AGBL1: variants seen among roughly 807,000 people sequenced by gnomAD.
The protein encoded by AGBL1 is AGBL carboxypeptidase 1, also known as cytosolic carboxypeptidase 4.
AGBL1 carries 130 observed loss-of-function variants against 118.9 expected under a neutral mutation model. That is an observed-to-expected ratio of 1.09 (90% CI 0.95 to 1.26). AGBL1 has a LOEUF of 1.26. Ranked by LOEUF, AGBL1 falls within the 50% of genes most tolerant of loss-of-function variation. The pLI is 0.00. For missense variants in AGBL1, 1,584 were observed against 1,298.1 expected, an observed-to-expected ratio of 1.22 and a Z score of -3.38; for synonymous variants, 555 against 478.9, an observed-to-expected ratio of 1.16 and a Z score of -2.08.
chr15:86,713,859 G>C (rs1446669975), intron 22 of AGBL1, among the ~76,000 whole-genome samples: 2 of 152,098 alleles, frequency 1.3e-5, no homozygotes, highest in Non-Finnish European at 2.9e-5. Flanking sequence ...CTGTAACGTA[G>C]ACTTGGATTA....
intron 3 of AGBL1, among the ~76,000 whole-genome samples, chr15:86,153,921 A>G (rs973856270): frequency 6.6e-6 from 1 of 152,154 alleles, no homozygotes; most frequent in African/African-American, 2.4e-5. Context: ...TCCCTACATA[A>G]TCACAATACC....
chr15:86,546,166 C>G (rs765734297), intron 20 of AGBL1, 33 bp downstream of exon 20: 1 of 1,589,620 alleles, frequency 6.3e-7, no homozygotes, highest in Non-Finnish European at 8.6e-7. Context: ...ATCAGACATG[C>G]TGTGTTCATA....
chr15:86,569,442 C>T (rs1189591988), intron 21 of AGBL1, among the ~76,000 whole-genome samples: 2 of 151,410 alleles, frequency 1.3e-5, no homozygotes, highest in African/African-American at 2.4e-5. Context: ...AATCCGGATG[C>T]TAATCTATCA....
In AGBL1 at chr15:86,881,763, G is replaced by T. The variant is rs202193219; in HGVS notation, c.3159-25324G>T. Reference sequence around the variant, plus strand: ...CAATTCTCCTGCCTCAGCCTCCCAAGTAGCTGGGATTACAGCTGTGTGCCA... The same window carrying T: ...CAATTCTCCTGCCTCAGCCTCCCAATTAGCTGGGATTACAGCTGTGTGCCA... On this transcript the variant is annotated intron_variant, in intron 22 of 22. Transcript: ENST00000614907. Among the ~76,000 whole-genome samples, 18 of 152,252 alleles carry T rather than the reference G, an allele frequency of 1.2e-4. No homozygotes were observed. The East Asian group carries it at 3.5e-3, about 29-fold the overall frequency.
At chr15:86,477,566 G>A (rs2082579994) in intron 18 of AGBL1, among the ~76,000 whole-genome samples, 1 of 152,086 alleles carries the variant, frequency 6.6e-6, no homozygotes, top group Non-Finnish European at 1.5e-5. Flanking sequence ...CCAATAACAG[G>A]CTCTGAAATT....
At chr15:86,892,069 T>C (rs2141559291) in intron 22 of AGBL1, among the ~76,000 whole-genome samples, 1 of 152,284 alleles carries the variant, frequency 6.6e-6, no homozygotes, top group Middle Eastern at 3.4e-3. Flanking sequence ...TTTCATAAGT[T>C]ATGAGAACTT....
chr15:86,488,887 C>G (rs971147306), intron 18 of AGBL1, among the ~76,000 whole-genome samples: 3 of 151,956 alleles, frequency 2.0e-5, no homozygotes, highest in Non-Finnish European at 2.9e-5. Context: ...AATTAATCCA[C>G]CAAGCATTGC....
intron 22 of AGBL1, among the ~76,000 whole-genome samples, chr15:86,864,167 G>A (rs1248065544): frequency 6.6e-6 from 1 of 152,112 alleles, no homozygotes; most frequent in East Asian, 1.9e-4. Context: ...AAGAAAGAAG[G>A]CATACTTGCT....
At chr15:86,596,649 A>G (rs2084409964) in intron 21 of AGBL1, among the ~76,000 whole-genome samples, 1 of 152,040 alleles carries the variant, frequency 6.6e-6, no homozygotes, top group African/African-American at 2.4e-5. Flanking sequence ...TCATCATTCA[A>G]CTTTCATCCA....
At chr15:86,849,517 C>A (rs117235304) in intron 22 of AGBL1, among the ~76,000 whole-genome samples, 2 of 136,798 alleles carry the variant, frequency 1.5e-5, no homozygotes, top group South Asian at 2.2e-4. Flanking sequence ...TTCTTTCTTT[C>A]TTTTTTTTTT....
At chr15:86,141,454 A>G (rs1181426937) in intron 1 of AGBL1, among the ~76,000 whole-genome samples, 1 of 152,144 alleles carries the variant, frequency 6.6e-6, no homozygotes, top group Admixed American at 6.5e-5. Flanking sequence ...GATTGAGACC[A>G]TCCTAGCTAA....
intron 12 of AGBL1, 55 bp from the exon 13 acceptor site, chr15:86,266,933 CTG>C: frequency 1.6e-6 from 2 of 1,278,284 alleles, no homozygotes; most frequent in South Asian, 2.6e-5. Context: ...AATCATCACA[CTG>C]TTTTCAAAGA....
In AGBL1 at chr15:86,264,374, C is replaced by A. The variant is rs778646291; in HGVS notation, c.1203C>A (p.Ser401Arg). Residue 401 changes from serine to arginine, a missense_variant, in exon 11 of 23, where the codon AGC becomes AGA. By Grantham distance (110) the Ser-to-Arg change is moderately radical. Coordinates refer to ENST00000614907, the MANE Select transcript of AGBL1 (RefSeq NM_001386094.1). ...SKQHCYSKDQSSCGQEREYAV... is the reference protein window; with the variant it reads ...SKQHCYSKDQRSCGQEREYAV... ...AGCATTGCTACAGCAAGGACCAAAG[C>A]TCCTGTGGGCAAGAAAGAGAATATG... 6.2e-7 allele frequency: 1 copy of A among 1,613,764 alleles called. No homozygotes were observed.
intron 5 of AGBL1, among the ~76,000 whole-genome samples, chr15:86,209,640 G>C (rs2078057271): frequency 6.6e-6 from 1 of 151,818 alleles, no homozygotes; most frequent in African/African-American, 2.4e-5. Flanking sequence ...TGCAATCCCT[G>C]CTTTTTTTTT....
chr15:87,022,164 A>G (rs1313267728), intron 24 of AGBL1, among the ~76,000 whole-genome samples: 4 of 152,090 alleles, frequency 2.6e-5, no homozygotes, highest in African/African-American at 9.7e-5. Flanking sequence ...GAATCTGAAC[A>G]ACAGCCTTCA....
intron 21 of AGBL1, among the ~76,000 whole-genome samples, chr15:86,636,758 TACAC>T (rs138402400): frequency 1.3e-4 from 4 of 29,988 alleles, no homozygotes; most frequent in African/African-American, 4.9e-4. Context: ...TATATATATA[TACAC>T]ATACATACAG....
At chr15:86,477,423 A>G (rs1259257862) in intron 18 of AGBL1, among the ~76,000 whole-genome samples, 1 of 152,250 alleles carries the variant, frequency 6.6e-6, no homozygotes. Context: ...CCACAGAAAT[A>G]CAAACTACCA....
At chr15:86,239,634 C>G (rs139844031) in intron 6 of AGBL1, among the ~76,000 whole-genome samples, 1 of 152,122 alleles carries the variant, frequency 6.6e-6, no homozygotes, top group African/African-American at 2.4e-5. Flanking sequence ...GAACCATAGG[C>G]TATTTATTTG....
chr15:86,215,489 T>C (rs2078173357), intron 5 of AGBL1, among the ~76,000 whole-genome samples: 1 of 152,158 alleles, frequency 6.6e-6, no homozygotes, highest in Non-Finnish European at 1.5e-5. Flanking sequence ...AGGGCCACCT[T>C]CTTCCTTCTT....
Sources: allele counts gnomAD v4.1 joint callset (sites outside exome capture counted in the v4.1 genomes callset), GRCh38; gene constraint gnomAD v4.1.1; transcripts MANE v1.5; gene names NCBI Gene and HGNC (gene_info 2026-07-23, HGNC 2026-07-21).